Variants in HMG20A observed in about 807,000 individuals in gnomAD.
HMG20A encodes the protein high mobility group protein 20A.
Under a neutral mutation model 43.9 loss-of-function variants are expected in HMG20A, and 17 were observed. That is an observed-to-expected ratio of 0.39 (90% CI 0.27 to 0.58). HMG20A has a LOEUF of 0.58. HMG20A is among the 20% of genes least tolerant of loss of function. The pLI, the probability that HMG20A is intolerant of heterozygous loss-of-function variation, is 0.59. For synonymous variants in HMG20A, 132 were observed against 147.5 expected, an observed-to-expected ratio of 0.89 and a Z score of 0.76; for missense variants, 341 against 438.2, an observed-to-expected ratio of 0.78 and a Z score of 1.98.
the HMG20A span, among the ~76,000 whole-genome samples, chr15:77,517,914 A>T: frequency 6.6e-6 from 1 of 152,118 alleles, no homozygotes; most frequent in Non-Finnish European, 1.5e-5. Flanking sequence ...TCTTCTGTAA[A>T]ATGGGGAGAA....
chr15:77,459,222 G>A (rs539904880), intron 2 of HMG20A, among the ~76,000 whole-genome samples: 2 of 152,150 alleles, frequency 1.3e-5, no homozygotes, highest in African/African-American at 2.4e-5. Context: ...GTCTCACCTC[G>A]TTGATATCCG....
the HMG20A span, among the ~76,000 whole-genome samples, chr15:77,504,925 G>C: frequency 2.0e-5 from 3 of 152,204 alleles, no homozygotes; most frequent in Non-Finnish European, 4.4e-5. Flanking sequence ...GCCATGACAT[G>C]TCTGCTGTAT....
At chr15:77,513,669 A>C in the HMG20A span, among the ~76,000 whole-genome samples, 3 of 151,584 alleles carry the variant, frequency 2.0e-5, no homozygotes, top group Non-Finnish European at 2.9e-5. Flanking sequence ...TCTTCTTATA[A>C]GGACACCAGT....
chr15:77,446,251 TG>T (rs1452925217), intron 1 of HMG20A, among the ~76,000 whole-genome samples: 1 of 152,154 alleles, frequency 6.6e-6, no homozygotes, highest in African/African-American at 2.4e-5. Context: ...CTCATATATT[TG>T]AATAAATACC....
the HMG20A span, among the ~76,000 whole-genome samples, chr15:77,493,653 G>C: frequency 6.6e-6 from 1 of 152,344 alleles, no homozygotes; most frequent in African/African-American, 2.4e-5. Context: ...TATGGACTAA[G>C]GGTGTAGCAG....
intron 1 of HMG20A, among the ~76,000 whole-genome samples, chr15:77,444,108 C>A (rs980230931): frequency 6.6e-6 from 1 of 152,132 alleles, no homozygotes; most frequent in African/African-American, 2.4e-5. Context: ...CTTTCACATT[C>A]TTTTATTGTA....
intron 4 of HMG20A, 90 bp from the exon 5 acceptor site, chr15:77,470,820 C>A (rs2072800871): frequency 3.5e-6 from 4 of 1,136,282 alleles, no homozygotes; most frequent in East Asian, 5.7e-5. Context: ...TTCCCATGTT[C>A]TAATTGTCCT....
At chr15:77,449,495 G>A (rs2073711772) in intron 1 of HMG20A, among the ~76,000 whole-genome samples, 1 of 152,104 alleles carries the variant, frequency 6.6e-6, no homozygotes. Context: ...CTACTCTCTA[G>A]TAAGCCTCTT....
At chr15:77,507,945 G>A in the HMG20A span, among the ~76,000 whole-genome samples, 1 of 151,808 alleles carries the variant, frequency 6.6e-6, no homozygotes, top group African/African-American at 2.4e-5. Flanking sequence ...CTTGTCTTTG[G>A]GGGGGCCCAC....
At chr15:77,501,090 G>A in the HMG20A span, among the ~76,000 whole-genome samples, 1 of 152,130 alleles carries the variant, frequency 6.6e-6, no homozygotes, top group Admixed American at 6.6e-5. Flanking sequence ...ATTGGTGTGT[G>A]GCTATTCAGT....
chr15:77,510,352 C>T, the HMG20A span, among the ~76,000 whole-genome samples: 5 of 152,346 alleles, frequency 3.3e-5, no homozygotes, highest in African/African-American at 1.2e-4. Context: ...GACAGAGACA[C>T]TCCTCCCCCT....
chr15:77,517,009 C>A, the HMG20A span, among the ~76,000 whole-genome samples: 1 of 152,228 alleles, frequency 6.6e-6, no homozygotes, highest in African/African-American at 2.4e-5. Flanking sequence ...GTCAGTCCCT[C>A]GTCCAGACCC....
chr15:77,453,849 A>G (rs1353183439), intron 1 of HMG20A, among the ~76,000 whole-genome samples: 3 of 152,130 alleles, frequency 2.0e-5, no homozygotes, highest in African/African-American at 2.4e-5. Flanking sequence ...TTCTATTTAT[A>G]TGAAATATCA....
chr15:77,469,770 C>T (rs571389658), intron 4 of HMG20A, among the ~76,000 whole-genome samples: 82 of 152,216 alleles, frequency 5.4e-4, no homozygotes, highest in African/African-American at 1.9e-3. Context: ...CAGGTTCAAG[C>T]GATTCTCTAG....
chr15:77,449,323 T>C (rs796401169), intron 1 of HMG20A, among the ~76,000 whole-genome samples: 6 of 152,254 alleles, frequency 3.9e-5, no homozygotes, highest in African/African-American at 7.2e-5. Flanking sequence ...ATCTCACATA[T>C]AAAAACCTAT....
chr15:77,477,152 G>C (rs527274961), intron 6 of HMG20A, among the ~76,000 whole-genome samples: 16 of 151,798 alleles, frequency 1.1e-4, no homozygotes, highest in Non-Finnish European at 1.9e-4. Context: ...CTTATCTCAG[G>C]GAGCATTTTA....
intron 1 of HMG20A, among the ~76,000 whole-genome samples, chr15:77,447,501 A>G (rs536259325): frequency 6.6e-5 from 10 of 152,220 alleles, no homozygotes; most frequent in South Asian, 2.1e-4. Flanking sequence ...CAGTGATCCA[A>G]TTGTCTAGCA....
chr15:77,482,399 G>A (rs2072912624), intron 9 of HMG20A: 1 of 152,054 alleles, frequency 6.6e-6, no homozygotes, highest in Non-Finnish European at 1.5e-5. Flanking sequence ...CCATGAGGGT[G>A]ATTTTAAGTT....
chr15:77,448,993 A>G (rs1046286568), intron 1 of HMG20A, among the ~76,000 whole-genome samples: 24 of 152,076 alleles, frequency 1.6e-4, no homozygotes, highest in African/African-American at 5.8e-4. Flanking sequence ...GGGTTGCAGT[A>G]AGCAGAGATC....
Sources: allele counts gnomAD v4.1 joint callset (sites outside exome capture counted in the v4.1 genomes callset), GRCh38; gene constraint gnomAD v4.1.1; transcripts MANE v1.5; gene names NCBI Gene and HGNC (gene_info 2026-07-23, HGNC 2026-07-21).